Variants in KHDRBS2 observed in about 807,000 individuals in gnomAD.
KHDRBS2 encodes KH RNA binding domain containing, signal transduction associated 2.
KHDRBS2 carries 26 observed loss-of-function variants against 44.3 expected under a neutral mutation model. That is an observed-to-expected ratio of 0.59 (90% CI 0.43 to 0.81). The LOEUF (loss-of-function observed/expected upper bound fraction) is 0.81. KHDRBS2 is among the 40% of genes least tolerant of loss of function. KHDRBS2 has a pLI of 0.00. For synonymous variants in KHDRBS2, 194 were observed against 151.1 expected (o/e 1.28, Z -2.08); for missense variants, 476 against 433.1 (o/e 1.10, Z -0.88).
intron 1 of KHDRBS2, among the ~76,000 whole-genome samples, chr6:62,190,017 G>A (rs1824265638): frequency 6.6e-6 from 1 of 152,082 alleles, no homozygotes; most frequent in Admixed American, 6.6e-5. Context: ...AGGAGTGGGA[G>A]AGAGGAAGGA....
At chr6:61,898,794 T>C (rs1803405998) in intron 5 of KHDRBS2, among the ~76,000 whole-genome samples, 1 of 151,904 alleles carries the variant, frequency 6.6e-6, no homozygotes, top group South Asian at 2.1e-4. Flanking sequence ...TCAACACATA[T>C]ACCAACTATC....
At chr6:61,710,192 G>GA (rs1297379648) in intron 7 of KHDRBS2, among the ~76,000 whole-genome samples, 22 of 150,594 alleles carry the variant, frequency 1.5e-4, no homozygotes, top group Non-Finnish European at 1.9e-4. Context: ...CTTTGTGTAA[G>GA]AAAAAAAAAT....
At chr6:62,220,241 T>G (rs1467990416) in intron 1 of KHDRBS2, among the ~76,000 whole-genome samples, 4 of 151,852 alleles carry the variant, frequency 2.6e-5, no homozygotes, top group African/African-American at 7.2e-5. Flanking sequence ...CCAGAGAATT[T>G]GCCACCAACA....
intron 6 of KHDRBS2, among the ~76,000 whole-genome samples, chr6:61,842,888 C>T (rs750699817): frequency 2.1e-5 from 3 of 143,142 alleles, no homozygotes; most frequent in Non-Finnish European, 3.2e-5. Context: ...TAATCTATAA[C>T]TTATCTCTAT....
the KHDRBS2 span, among the ~76,000 whole-genome samples, chr6:61,602,127 A>T: frequency 2.6e-5 from 4 of 152,156 alleles, no homozygotes; most frequent in African/African-American, 9.7e-5. Context: ...TGCTCCCAAT[A>T]TTAAACAAAG....
At chr6:61,607,642 C>CTGAATTTA in the KHDRBS2 span, among the ~76,000 whole-genome samples, 1 of 148,314 alleles carries the variant, frequency 6.7e-6, no homozygotes, top group African/African-American at 2.5e-5. Context: ...CTGAAATTAA[C>CTGAATTTA]TCAAGAAGAT....
chr6:61,555,999 C>A, the KHDRBS2 span, among the ~76,000 whole-genome samples: 2 of 152,200 alleles, frequency 1.3e-5, no homozygotes, highest in Non-Finnish European at 2.9e-5. Context: ...CTCGTTTGCA[C>A]ATGCCAGCTG....
the KHDRBS2 span, among the ~76,000 whole-genome samples, chr6:61,568,042 C>T: frequency 7.9e-5 from 12 of 152,070 alleles, no homozygotes; most frequent in African/African-American, 4.8e-5. Context: ...GGTCCAATGT[C>T]ATTCTTCTGC....
the KHDRBS2 span, among the ~76,000 whole-genome samples, chr6:61,547,340 A>G: frequency 6.6e-6 from 1 of 152,080 alleles, no homozygotes; most frequent in Admixed American, 6.6e-5. Flanking sequence ...AAAATTTGCT[A>G]TTTATTAAAC....
intron 1 of KHDRBS2, among the ~76,000 whole-genome samples, chr6:62,259,378 T>C (rs1032374354): frequency 2.0e-5 from 3 of 151,962 alleles, no homozygotes; most frequent in African/African-American, 7.2e-5. Flanking sequence ...TAGTATTTCA[T>C]GCAAAGGTAC....
chr6:61,557,325 G>A, the KHDRBS2 span, among the ~76,000 whole-genome samples: 1 of 152,042 alleles, frequency 6.6e-6, no homozygotes, highest in Non-Finnish European at 1.5e-5. Context: ...AATTTTTCTA[G>A]TAAATAAAAA....
chr6:61,831,272 A>C (rs1405720529), intron 6 of KHDRBS2, among the ~76,000 whole-genome samples: 3 of 152,070 alleles, frequency 2.0e-5, no homozygotes, highest in Non-Finnish European at 4.4e-5. Flanking sequence ...GGACTAAAAA[A>C]CCACAAATGA....
intron 2 of KHDRBS2, among the ~76,000 whole-genome samples, chr6:62,141,574 C>A (rs1239764617): frequency 6.6e-6 from 1 of 152,064 alleles, no homozygotes; most frequent in Non-Finnish European, 1.5e-5. Flanking sequence ...GAAATCTTTT[C>A]CCTGTGCCTA....
intron 3 of KHDRBS2, among the ~76,000 whole-genome samples, chr6:62,038,162 T>A (rs1282756276): frequency 6.6e-6 from 1 of 152,020 alleles, no homozygotes. Flanking sequence ...AGTGGTCCAA[T>A]CGTTGTGTTT....
intron 1 of KHDRBS2, among the ~76,000 whole-genome samples, chr6:62,284,269 G>A (rs1442826312): frequency 1.3e-5 from 2 of 152,120 alleles, no homozygotes; most frequent in East Asian, 3.9e-4. Context: ...GTCTCAAATA[G>A]AACTCCAATT....
At chr6:61,973,276 C>T (rs1401195864) in intron 4 of KHDRBS2, among the ~76,000 whole-genome samples, 4 of 152,128 alleles carry the variant, frequency 2.6e-5, no homozygotes, top group African/African-American at 9.7e-5. Context: ...GATCTATCTA[C>T]TAGACTGAAA....
At chr6:62,017,009 C>A (rs1188015491) in intron 3 of KHDRBS2, among the ~76,000 whole-genome samples, 1 of 152,124 alleles carries the variant, frequency 6.6e-6, no homozygotes, top group Non-Finnish European at 1.5e-5. Context: ...TTGGTAGAAT[C>A]AATCTGTTTT....
intron 4 of KHDRBS2, among the ~76,000 whole-genome samples, chr6:61,935,077 T>C (rs1168780297): frequency 1.3e-5 from 2 of 151,964 alleles, no homozygotes; most frequent in Non-Finnish European, 2.9e-5. Flanking sequence ...TGAAGGGGAG[T>C]CAAACTTGTA....
At chr6:62,068,012 A>C (rs1794151219) in intron 2 of KHDRBS2, among the ~76,000 whole-genome samples, 1 of 151,742 alleles carries the variant, frequency 6.6e-6, no homozygotes, top group Non-Finnish European at 1.5e-5. Flanking sequence ...AATTTTGTGT[A>C]CAGCTTTTTG....
Sources: gnomAD v4.1 joint callset for allele counts (sites outside exome capture counted in the v4.1 genomes callset) on GRCh38, gnomAD v4.1.1 for gene constraint, MANE v1.5 for transcripts, NCBI Gene and HGNC (gene_info 2026-07-23, HGNC 2026-07-21) for gene names.